Variants in NR4A1 observed in about 807,000 individuals in gnomAD.
The protein encoded by NR4A1 is nuclear receptor subfamily 4 group A member 1, also known as nuclear receptor subfamily 4immunitygroup A member 1.
A neutral mutation model predicts 47.5 loss-of-function variants in NR4A1; 24 were observed. That is an observed-to-expected ratio of 0.50 (90% confidence interval 0.37 to 0.71). NR4A1 has a LOEUF of 0.71. Ranked by LOEUF, NR4A1 falls within the 30% of genes least tolerant of loss-of-function variation. The pLI is 0.00. For missense variants in NR4A1, 669 were observed against 788.6 expected, an observed-to-expected ratio of 0.85 and a Z score of 1.82; for synonymous variants, 353 against 345.7, an observed-to-expected ratio of 1.02 and a Z score of -0.24.
chr12:52,057,469 G>T lies in NR4A1; in HGVS notation c.1479G>T (p.Leu493=). Reference sequence around the variant, plus strand: ...GTATCCTGGCCTTCTCAAGGTCCCTGCACAGCTTGCTTGTCGATGTCCCTG... The same window carrying T: ...GTATCCTGGCCTTCTCAAGGTCCCTTCACAGCTTGCTTGTCGATGTCCCTG... ...IDSILAFSRS[L]HSLLVDVPAF... is the part of the protein sequence containing the mutation. Residue 493 remains leucine (L), a synonymous_variant, in exon 6 of 7, where the codon CTG becomes CTT. Coordinates refer to ENST00000394825, the MANE Select transcript of NR4A1 (RefSeq NM_173157.3). 1 of 1,614,218 alleles carries T rather than the reference G, an allele frequency of 6.2e-7. No individual in the cohort carries two copies.
intron 1 of NR4A1, chr12:52,053,367 C>T (rs776038771): frequency 6.6e-6 from 1 of 152,082 alleles, no homozygotes; most frequent in Non-Finnish European, 1.5e-5. Flanking sequence ...GGCAGAATGT[C>T]TTCCACCCAC....
intron 2 of NR4A1, among the ~76,000 whole-genome samples, chr12:52,043,259 G>T (rs577446024): frequency 1.2e-3 from 186 of 152,290 alleles, no homozygotes; most frequent in African/African-American, 4.3e-3. Context: ...ACGTGAGTGA[G>T]GATGACAGCA....
Position 52,056,562 on chromosome 12 carries a change from G to C in NR4A1, c.1075G>C (p.Ala359Pro). Residue 359 changes from alanine to proline, a missense_variant, in exon 4 of 7, where the codon GCC becomes CCC. Physicochemically the swap from Ala to Pro is conservative, Grantham distance 27. Transcript: ENST00000394825. ...LPSKPKQPPD[A>P]SPANLLTSLV... ...TTCAAAACCCAAGCAGCCCCCAGAT[G>C]CCTCCCCTGCCAATCTCCTCACTTC... The C allele has an allele frequency of 6.2e-7, 1 of 1,613,658 alleles. No individual in the cohort carries two copies. Among genetic ancestry groups the C allele is most frequent in the Non-Finnish European group, 8.5e-7 (1 of 1,179,846 alleles).
chr12:52,055,370 G>C, intron 2 of NR4A1, 166 bp downstream of exon 2: 1 of 807,440 alleles, frequency 1.2e-6, no homozygotes, highest in Admixed American at 2.6e-5. Flanking sequence ...ACCCGTAGAT[G>C]CCAGGGCTGG....
At chr12:52,037,574 G>GC (rs1292345915) in intron 1 of NR4A1, 1 of 983,492 alleles carries the variant, frequency 1.0e-6, no homozygotes, top group African/African-American at 1.7e-5. Flanking sequence ...GTCGGGGGGG[G>GC]GACTGGATTC....
At position 52,056,567 on chromosome 12, in the gene NR4A1, C is replaced by T. The variant is rs776935708; in HGVS notation, c.1080C>T (p.Ser360=). 2 of 1,613,648 alleles carry T rather than the reference C, an allele frequency of 1.2e-6. No homozygotes were observed. The highest frequency in any genetic ancestry group is 2.7e-5 in the African/African-American group (2 of 74,898). The stretch of plus-strand genomic sequence containing the variant: ...AACCCAAGCAGCCCCCAGATGCCTC[C>T]CCTGCCAATCTCCTCACTTCCCTGG... ...PSKPKQPPDA[S]PANLLTSLVR... is the part of the protein sequence containing the mutation. Residue 360 remains serine, a synonymous_variant, in exon 4 of 7, where the codon TCC becomes TCT. Transcript: ENST00000394825.
At chr12:52,050,519 G>T (rs547170876), upstream of NR4A1, among the ~76,000 whole-genome samples, 1 of 152,212 alleles carries the variant, frequency 6.6e-6, no homozygotes, top group African/African-American at 2.4e-5. Flanking sequence ...GATTTCTCAG[G>T]CTCCACCCGG....
chr12:52,057,939 G>A (rs754424336), intron 6 of NR4A1, among the ~76,000 whole-genome samples: 14 of 151,960 alleles, frequency 9.2e-5, no homozygotes, highest in Admixed American at 2.0e-4. Context: ...ACCCATTATT[G>A]TGCCCCCTTC....
At chr12:52,051,367 G>A (rs1013103527), upstream of NR4A1, 9 of 985,126 alleles carry the variant, frequency 9.1e-6, no homozygotes, top group African/African-American at 1.7e-5. Context: ...TCGACGGGCG[G>A]CCTGCGTCAG....
chr12:52,038,053 C>T, intron 1 of NR4A1: 1 of 985,492 alleles, frequency 1.0e-6, no homozygotes, highest in Non-Finnish European at 1.2e-6. Context: ...GGCTCATTCC[C>T]CCCCAACGCC....
At chr12:52,054,233 C>G in intron 1 of NR4A1, 94 bp from the exon 2 acceptor site, 5 of 1,101,038 alleles carry the variant, frequency 4.5e-6, no homozygotes, top group Non-Finnish European at 5.1e-6. Flanking sequence ...ATTCCTGCCA[C>G]CTTGCTGCTC....
chr12:52,054,299 C>G (rs762596733), intron 1 of NR4A1, 28 bp from the exon 2 acceptor site: 10 of 1,563,514 alleles, frequency 6.4e-6, no homozygotes, highest in Non-Finnish European at 6.9e-6. Context: ...ACTCTCCTTT[C>G]CCTCCCTGGG....
intron 2 of NR4A1, among the ~76,000 whole-genome samples, chr12:52,045,223 G>T (rs1038572688): frequency 1.2e-4 from 19 of 152,222 alleles, no homozygotes; most frequent in African/African-American, 4.6e-4. Context: ...GAGCAGGAGG[G>T]CTGCCGGCTC....
chr12:52,023,715 G>GC (rs1160393932), intron 1 of NR4A1, among the ~76,000 whole-genome samples: 1 of 151,750 alleles, frequency 6.6e-6, no homozygotes, highest in African/African-American at 2.4e-5. Context: ...TCCTCCTCCT[G>GC]CCCCGGCCCA....
chr12:52,047,878 A>G (rs533983288), upstream of NR4A1, among the ~76,000 whole-genome samples: 701 of 152,144 alleles, frequency 4.6e-3, 8 homozygotes, highest in African/African-American at 0.015. Context: ...GGCTGGGCCG[A>G]GGGCGGTGGC....
At chr12:52,047,430 G>C (rs1938694360), upstream of NR4A1, among the ~76,000 whole-genome samples, 6 of 152,340 alleles carry the variant, frequency 3.9e-5, no homozygotes, top group South Asian at 1.2e-3. Context: ...TCTTAGGCTA[G>C]GTGCTCCACA....
intron 1 of NR4A1, chr12:52,053,628 G>C (rs1939094671): frequency 6.6e-6 from 1 of 152,552 alleles, no homozygotes; most frequent in Admixed American, 6.5e-5. Context: ...GAGCAGTGCA[G>C]AGTGGCTTCC....
chr12:52,051,163 C>G (rs1477448413), upstream of NR4A1, among the ~76,000 whole-genome samples: 1 of 152,192 alleles, frequency 6.6e-6, no homozygotes, highest in Non-Finnish European at 1.5e-5. Flanking sequence ...GCGGGCGCGG[C>G]GGGCGCGAGG....
chr12:52,059,100 C>G lies in NR4A1; in HGVS notation c.*156C>G. ...CCAGGAGGTTTGCAGGGAGCTCAAG[C>G]CCTTGGGGAGGGGGATGCCTTCATG... On this transcript the variant is annotated 3_prime_UTR_variant, in exon 7 of 7. Coordinates refer to ENST00000394825, the MANE Select transcript of NR4A1 (RefSeq NM_173157.3). The G allele has an allele frequency of 1.0e-6, 1 of 974,408 alleles. No individual in the cohort carries two copies. 60.4% of individuals were successfully genotyped at this position (974,408 alleles called of 1,614,324 possible). A position where few individuals can be genotyped will look rare whatever the true frequency, so the allele number is the denominator to read the frequency against.
Sources: gnomAD v4.1 joint callset for allele counts (sites outside exome capture counted in the v4.1 genomes callset) on GRCh38, gnomAD v4.1.1 for gene constraint, MANE v1.5 for transcripts, NCBI Gene and HGNC (gene_info 2026-07-23, HGNC 2026-07-21) for gene names.